TAB1: variants seen among roughly 807,000 people sequenced by gnomAD.
TAB1 encodes TGF-beta activated kinase 1 (MAP3K7) binding protein 1, also known as TGF-beta-activated kinase 1 and MAP3K7-binding protein 1.
TAB1 carries 30 observed loss-of-function variants against 54.5 expected under a neutral mutation model. That is an observed-to-expected ratio of 0.55 (90% CI 0.41 to 0.75). The LOEUF (loss-of-function observed/expected upper bound fraction) is 0.75, where lower values mean the gene tolerates loss of function less well. Ranked by LOEUF, TAB1 falls within the 30% of genes least tolerant of loss-of-function variation. The pLI is 0.00. For missense variants in TAB1, 609 were observed against 683.2 expected, an observed-to-expected ratio of 0.89 and a Z score of 1.21; for synonymous variants, 289 against 286.9, an observed-to-expected ratio of 1.01 and a Z score of -0.07.
chr22:39,419,164 G>GA (rs1025443723), intron 6 of TAB1, among the ~76,000 whole-genome samples: 2 of 152,220 alleles, frequency 1.3e-5, no homozygotes, highest in African/African-American at 4.8e-5. Context: ...GGTGGAGACT[G>GA]AAAGAGGCCA....
At chr22:39,418,636 T>C (rs1926938809) in intron 5 of TAB1, 96 bp from the exon 6 acceptor site, 2 of 892,068 alleles carry the variant, frequency 2.2e-6, no homozygotes, top group East Asian at 2.6e-5. Flanking sequence ...GGTATTTCCA[T>C]GTGTGAAATG....
chr22:39,432,958 G>T, downstream of TAB1: 1 of 985,422 alleles, frequency 1.0e-6, no homozygotes, highest in Non-Finnish European at 1.2e-6. Flanking sequence ...AAAGTGAATG[G>T]CACAGCGAGG....
At chr22:39,433,173 C>T (rs962025110), downstream of TAB1, 34 of 985,294 alleles carry the variant, frequency 3.5e-5, no homozygotes, top group Non-Finnish European at 3.9e-5. Flanking sequence ...CAGTCTCGGC[C>T]GGGCGCGGTG....
At chr22:39,421,077 TTTTC>T (rs1483732295) in intron 7 of TAB1, among the ~76,000 whole-genome samples, 1 of 151,598 alleles carries the variant, frequency 6.6e-6, no homozygotes, top group Non-Finnish European at 1.5e-5. Context: ...CTCCTCCTTC[TTTTC>T]TTTTTTTTTA....
At chr22:39,414,590 GCC>G (rs1054190592) in intron 1 of TAB1, 3 of 185,054 alleles carry the variant, frequency 1.6e-5, no homozygotes, top group Non-Finnish European at 3.5e-5. Flanking sequence ...TGAGGGTGGG[GCC>G]TGCAGCCTGC....
At chr22:39,434,075 C>T (rs1261064929), downstream of TAB1, among the ~76,000 whole-genome samples, 6 of 152,182 alleles carry the variant, frequency 3.9e-5, no homozygotes, top group East Asian at 3.8e-4. Flanking sequence ...AGGGAATGGC[C>T]GTGTGACCTT....
At chr22:39,417,125 G>A (rs529800174) in intron 4 of TAB1, among the ~76,000 whole-genome samples, 9 of 152,346 alleles carry the variant, frequency 5.9e-5, no homozygotes, top group African/African-American at 1.2e-4. Flanking sequence ...CCAGTCCTTC[G>A]TCCTGAATGG....
At chr22:39,426,651 C>T in intron 8 of TAB1, 52 bp from the exon 9 acceptor site, 3 of 1,495,984 alleles carry the variant, frequency 2.0e-6, no homozygotes, top group South Asian at 2.5e-5. Flanking sequence ...TGGCCCATGC[C>T]CCCCAGGCCG....
chr22:39,415,025 C>T lies in TAB1; in HGVS notation c.53C>T (p.Thr18Ile). The change falls in exon 2 of 11, where the codon ACA becomes ATA. Residue 18 changes from threonine to isoleucine, a missense_variant. By Grantham distance (89) the Thr-to-Ile change is moderately conservative (BLOSUM62 -1). Transcript: ENST00000216160. The surrounding 1 kb of genome is among the most constrained non-coding windows in gnomAD (Gnocchi z 4.9). ...LLQSEQQPSW[T>I]DDLPLCHLSG... ...CCCCAGGAGCAGCAGCCAAGCTGGACAGATGACCTGCCTCTCTGCCACCTC... is the reference window on the plus strand; with the variant it reads ...CCCCAGGAGCAGCAGCCAAGCTGGATAGATGACCTGCCTCTCTGCCACCTC... 6.2e-7 allele frequency: 1 copy of T among 1,614,074 alleles called. No homozygotes were observed. Among genetic ancestry groups the T allele is most frequent in the Non-Finnish European group, 8.5e-7 (1 of 1,180,004 alleles).
Position 39,430,650 on chromosome 22 carries a change from G to A in TAB1, c.*428G>A. On this transcript the variant is annotated 3_prime_UTR_variant, in exon 11 of 11. Transcript: ENST00000216160. ...TCCCACCATCACCTCCCTCACCTCG[G>A]GACAGTAGCCCTCCACTTCTCCAGC... 9.3e-7 allele frequency: 1 copy of A among 1,077,712 alleles called. No homozygotes were observed. Among genetic ancestry groups the A allele is most frequent in the South Asian group, 3.0e-5 (1 of 33,830 alleles). The allele number at this position is 1,077,712 out of a possible 1,614,324, so 66.8% of individuals were successfully genotyped here. A position where few individuals can be genotyped will look rare whatever the true frequency, so the allele number is the denominator to read the frequency against.
At chr22:39,429,310 G>C (rs1927484454) in intron 10 of TAB1, 4 of 985,266 alleles carry the variant, frequency 4.1e-6, no homozygotes, top group African/African-American at 3.5e-5. Context: ...CCGCCCTGCT[G>C]AGTAGGTCCT....
intron 8 of TAB1, among the ~76,000 whole-genome samples, chr22:39,422,956 A>G (rs1224073146): frequency 6.6e-6 from 1 of 151,448 alleles, no homozygotes; most frequent in Non-Finnish European, 1.5e-5. Context: ...TTCTTGTAGG[A>G]AGATAACCTT....
At chr22:39,405,762 C>T (rs747749591) in intron 1 of TAB1, among the ~76,000 whole-genome samples, 1 of 152,160 alleles carries the variant, frequency 6.6e-6, no homozygotes, top group African/African-American at 2.4e-5. Flanking sequence ...GGCTAATCCT[C>T]GATGGAGATG....
chr22:39,432,754 T>A (rs1306701487), downstream of TAB1: 3 of 985,774 alleles, frequency 3.0e-6, no homozygotes, highest in Non-Finnish European at 3.6e-6. Context: ...TCCCAGCACC[T>A]GCTCTGCCCT....
chr22:39,433,483 C>CA, downstream of TAB1: 2 of 985,312 alleles, frequency 2.0e-6, no homozygotes, highest in Non-Finnish European at 2.4e-6. Context: ...CAGTCTCTCC[C>CA]AAAACCCAGC....
At chr22:39,411,012 G>A (rs1926584330) in intron 1 of TAB1, among the ~76,000 whole-genome samples, 1 of 152,100 alleles carries the variant, frequency 6.6e-6, no homozygotes, top group Admixed American at 6.6e-5. Flanking sequence ...ATCGATCACA[G>A]GAACAGAATA....
rs1367782821 is a variant in TAB1 at position 39,416,769 on chromosome 22, GCCCTGT to G, written c.325-19_325-14del. 2.5e-6 allele frequency: 4 copies of G among 1,612,638 alleles called. No homozygotes were observed. Among genetic ancestry groups the G allele is most frequent in the Non-Finnish European group, 2.5e-6 (3 of 1,178,734 alleles). ...ACAGTGGTGTTTTGAACCAGCCTTTGCCCTGTCCTGTGTCCCCCTAGGCCTTCGATG... is the reference window on the plus strand; with the variant it reads ...ACAGTGGTGTTTTGAACCAGCCTTTGCCTGTGTCCCCCTAGGCCTTCGATG... On this transcript the variant is annotated splice_polypyrimidine_tract_variant and intron_variant, in intron 3 of 10. Coordinates refer to ENST00000216160, the MANE Select transcript of TAB1 (RefSeq NM_006116.3).
chr22:39,412,197 G>A (rs954303459), intron 1 of TAB1, among the ~76,000 whole-genome samples: 3 of 151,972 alleles, frequency 2.0e-5, no homozygotes, highest in East Asian at 1.9e-4. Context: ...GCGCCACCAC[G>A]CCCGGCTGAT....
intron 8 of TAB1, among the ~76,000 whole-genome samples, chr22:39,425,993 G>A (rs9607646): frequency 0.015 from 2,264 of 151,940 alleles, 16 homozygotes; most frequent in Non-Finnish European, 0.025. Context: ...AAGTTGCTGG[G>A]ATTACAGGCA....
Sources: gnomAD v4.1 joint callset for allele counts (sites outside exome capture counted in the v4.1 genomes callset) on GRCh38, gnomAD v4.1.1 for gene constraint, Gnocchi (gnomAD v3.1) non-coding constraint, MANE v1.5 for transcripts, NCBI Gene and HGNC (gene_info 2026-07-23, HGNC 2026-07-21) for gene names.